The following THSD4 variants were observed in gnomAD, a reference collection of about 807,000 sequenced individuals.
The protein encoded by THSD4 is thrombospondin type-1 domain-containing protein 4.
THSD4 carries 69 observed loss-of-function variants against 119.0 expected under a neutral mutation model. That is an observed-to-expected ratio of 0.58 (90% CI 0.48 to 0.71). The LOEUF (loss-of-function observed/expected upper bound fraction) is 0.71, where lower values mean the gene tolerates loss of function less well. Ranked by LOEUF, THSD4 falls within the 30% of genes least tolerant of loss-of-function variation. THSD4 has a pLI of 0.00. For synonymous variants in THSD4, 524 were observed against 540.4 expected (o/e 0.97, Z 0.42); for missense variants, 1,393 against 1,391.1 (o/e 1.00, Z -0.02).
At chr15:71,584,262 CTTTTTTTTTT>C (rs71154789) in intron 7 of THSD4, among the ~76,000 whole-genome samples, 207 of 61,822 alleles carry the variant, frequency 3.3e-3, no homozygotes, top group African/African-American at 0.013. Context: ...TTTTCACTTT[CTTTTTTTTTT>C]TTTTTTTTTT....
At chr15:71,375,448 C>A (rs1309595076) in intron 6 of THSD4, among the ~76,000 whole-genome samples, 1 of 152,192 alleles carries the variant, frequency 6.6e-6, no homozygotes, top group African/African-American at 2.4e-5. Context: ...CACTTTCACA[C>A]TGAATTGTAA....
intron 6 of THSD4, among the ~76,000 whole-genome samples, chr15:71,365,670 T>G (rs1422485034): frequency 6.6e-6 from 1 of 152,096 alleles, no homozygotes; most frequent in Non-Finnish European, 1.5e-5. Flanking sequence ...TGGAGATGAA[T>G]CTTGTTAAGT....
chr15:71,510,158 C>T (rs2140753807), intron 7 of THSD4, among the ~76,000 whole-genome samples: 1 of 152,310 alleles, frequency 6.6e-6, no homozygotes, highest in South Asian at 2.1e-4. Context: ...ATTGATAGAA[C>T]ACCCAATGCG....
chr15:71,648,624 TAGATTGTGAC>T (rs1307440099), intron 7 of THSD4, among the ~76,000 whole-genome samples: 1 of 152,142 alleles, frequency 6.6e-6, no homozygotes, highest in African/African-American at 2.4e-5. Flanking sequence ...GAAATGCAAA[TAGATTGTGAC>T]AGTTTACCTG....
intron 7 of THSD4, among the ~76,000 whole-genome samples, chr15:71,574,875 C>G (rs903394316): frequency 2.6e-5 from 4 of 152,180 alleles, no homozygotes; most frequent in African/African-American, 9.7e-5. Context: ...CTGTTACAAT[C>G]TAGTCCATTT....
chr15:71,770,346 TAAAAAAAA>T (rs71131707), intron 16 of THSD4, among the ~76,000 whole-genome samples: 8 of 127,472 alleles, frequency 6.3e-5, no homozygotes, highest in Admixed American at 1.6e-4. Flanking sequence ...ATATGTCCTT[TAAAAAAAA>T]AAAAAAAAAA....
At chr15:71,451,186 A>T (rs2047259149) in intron 7 of THSD4, among the ~76,000 whole-genome samples, 1 of 152,180 alleles carries the variant, frequency 6.6e-6, no homozygotes, top group African/African-American at 2.4e-5. Flanking sequence ...TCAAAGAAAA[A>T]AAAGGGAGGC....
At chr15:71,550,185 T>C (rs2048904592) in intron 7 of THSD4, among the ~76,000 whole-genome samples, 1 of 152,248 alleles carries the variant, frequency 6.6e-6, no homozygotes, top group African/African-American at 2.4e-5. Flanking sequence ...GCTGGACTTT[T>C]GAGGCATTTG....
intron 6 of THSD4, among the ~76,000 whole-genome samples, chr15:71,371,881 C>G (rs1298365617): frequency 6.6e-6 from 1 of 152,202 alleles, no homozygotes; most frequent in Non-Finnish European, 1.5e-5. Flanking sequence ...TGTTTTCCAA[C>G]TTGGTTCCAT....
chr15:71,621,647 A>G (rs1373626436), intron 7 of THSD4, among the ~76,000 whole-genome samples: 2 of 152,236 alleles, frequency 1.3e-5, no homozygotes, highest in East Asian at 1.9e-4. Context: ...ATTAATAGCT[A>G]TGTTTGGACA....
intron 7 of THSD4, among the ~76,000 whole-genome samples, chr15:71,466,622 TG>T (rs951403462): frequency 6.6e-6 from 1 of 152,164 alleles, no homozygotes; most frequent in Non-Finnish European, 1.5e-5. Context: ...TTCCATCCCT[TG>T]GTAGAAGCCT....
intron 7 of THSD4, among the ~76,000 whole-genome samples, chr15:71,498,342 C>T (rs1222046897): frequency 1.3e-5 from 2 of 152,182 alleles, no homozygotes; most frequent in African/African-American, 4.8e-5. Flanking sequence ...CCCACAAAAC[C>T]TTCCTGCTGT....
intron 7 of THSD4, among the ~76,000 whole-genome samples, chr15:71,444,895 CT>C (rs1278049237): frequency 1.3e-5 from 2 of 152,168 alleles, no homozygotes; most frequent in Admixed American, 1.3e-4. Flanking sequence ...AATTATTCCC[CT>C]GCCTCTGTGC....
chr15:71,773,944 A>T (rs2053867307), intron 17 of THSD4, among the ~76,000 whole-genome samples: 1 of 152,192 alleles, frequency 6.6e-6, no homozygotes, highest in Admixed American at 6.5e-5. Flanking sequence ...TTAAATCCCC[A>T]ATATAGACAG....
intron 8 of THSD4, among the ~76,000 whole-genome samples, chr15:71,661,544 C>A (rs2051308603): frequency 6.6e-6 from 1 of 151,830 alleles, no homozygotes; most frequent in African/African-American, 2.4e-5. Flanking sequence ...CACAGGCGTG[C>A]ACCAACACAC....
At chr15:71,606,913 A>G (rs923761882) in intron 7 of THSD4, among the ~76,000 whole-genome samples, 2 of 152,248 alleles carry the variant, frequency 1.3e-5, no homozygotes, top group Admixed American at 6.5e-5. Flanking sequence ...AGGAGGGGAA[A>G]AAGCAGGACT....
intron 7 of THSD4, among the ~76,000 whole-genome samples, chr15:71,570,643 G>A (rs1047565447): frequency 1.3e-5 from 2 of 152,058 alleles, no homozygotes; most frequent in African/African-American, 4.8e-5. Flanking sequence ...CATAATCTGG[G>A]AGCAAAACCC....
intron 6 of THSD4, among the ~76,000 whole-genome samples, chr15:71,376,575 C>T (rs1205428773): frequency 6.6e-6 from 1 of 152,070 alleles, no homozygotes; most frequent in Non-Finnish European, 1.5e-5. Context: ...TCTGATCTGC[C>T]CTGAGAAAAA....
intron 6 of THSD4, among the ~76,000 whole-genome samples, chr15:71,293,083 C>A (rs1322580973): frequency 6.6e-6 from 1 of 152,116 alleles, no homozygotes; most frequent in East Asian, 1.9e-4. Context: ...AGGGGCTTTC[C>A]CCAGATGGCT....
Sources: gnomAD v4.1 joint callset for allele counts (sites outside exome capture counted in the v4.1 genomes callset) on GRCh38, gnomAD v4.1.1 for gene constraint, MANE v1.5 for transcripts, NCBI Gene and HGNC (gene_info 2026-07-23, HGNC 2026-07-21) for gene names.